The following ALDH1A2 variants were observed in gnomAD, a reference collection of about 807,000 sequenced individuals.
ALDH1A2 encodes retinal dehydrogenase 2.
In ALDH1A2, 27 loss-of-function variants were observed where a neutral mutation model predicts 60.3. That is an observed-to-expected ratio of 0.45 (90% confidence interval 0.33 to 0.62). The LOEUF (loss-of-function observed/expected upper bound fraction) is 0.62. Ranked by LOEUF, ALDH1A2 falls within the 20% of genes least tolerant of loss-of-function variation. The probability of loss-of-function intolerance (pLI) is 0.02; values close to 1 mark genes in which losing one functional copy is unlikely to be tolerated. For missense variants in ALDH1A2, 581 were observed against 643.8 expected, an observed-to-expected ratio of 0.90 and a Z score of 1.06; for synonymous variants, 289 against 232.4, an observed-to-expected ratio of 1.24 and a Z score of -2.21.
At chr15:58,015,381 G>A (rs1433416735) in intron 1 of ALDH1A2, among the ~76,000 whole-genome samples, 1 of 152,180 alleles carries the variant, frequency 6.6e-6, no homozygotes, top group Non-Finnish European at 1.5e-5. Flanking sequence ...AGCCCATGTA[G>A]AAGGAGGCAC....
intron 1 of ALDH1A2, among the ~76,000 whole-genome samples, chr15:58,063,342 C>G (rs551387666): frequency 1.4e-4 from 21 of 152,250 alleles, no homozygotes; most frequent in African/African-American, 4.8e-4. Context: ...TAGCCATTAC[C>G]CTTTTAAAAT....
intron 1 of ALDH1A2, among the ~76,000 whole-genome samples, chr15:58,020,797 T>C (rs1161073667): frequency 2.0e-5 from 3 of 152,222 alleles, no homozygotes; most frequent in Non-Finnish European, 2.9e-5. Context: ...ATCATCTTGA[T>C]TGTCATTAAC....
At chr15:58,009,757 A>G (rs1895571595) in intron 4 of ALDH1A2, among the ~76,000 whole-genome samples, 1 of 152,024 alleles carries the variant, frequency 6.6e-6, no homozygotes, top group East Asian at 1.9e-4. Flanking sequence ...TTTTAGCTCT[A>G]AAACTTATTT....
At chr15:58,049,785 G>A (rs1018597331) in intron 1 of ALDH1A2, among the ~76,000 whole-genome samples, 6 of 152,084 alleles carry the variant, frequency 3.9e-5, no homozygotes, top group Non-Finnish European at 5.9e-5. Flanking sequence ...TGTGGGAAAT[G>A]TACTTTGAGA....
At chr15:58,003,567 C>T (rs193296746) in intron 4 of ALDH1A2, among the ~76,000 whole-genome samples, 2 of 151,922 alleles carry the variant, frequency 1.3e-5, no homozygotes, top group African/African-American at 4.8e-5. Context: ...AAAACATGGA[C>T]ATTTTTTTCT....
At chr15:58,055,059 A>G (rs1338101193) in intron 1 of ALDH1A2, among the ~76,000 whole-genome samples, 1 of 152,042 alleles carries the variant, frequency 6.6e-6, no homozygotes, top group Non-Finnish European at 1.5e-5. Context: ...TTCCTATGAA[A>G]CATTCAGCAA....
rs1230567848 is a variant in ALDH1A2 at position 57,954,700 on chromosome 15, T to C, written c.*497A>G. On this transcript the variant is annotated 3_prime_UTR_variant, in exon 13 of 13. Coordinates refer to ENST00000249750, the MANE Select transcript of ALDH1A2 (RefSeq NM_003888.4). ...AGAAATGGATAACATGAAATGATAA[T>C]TTGGCTTTACAACCTTGAAAAATTG... 5.2e-6 allele frequency: 1 copy of C among 191,426 alleles called. No homozygotes were observed. The highest frequency in any genetic ancestry group is 1.1e-5 in the Non-Finnish European group (1 of 89,540). 11.9% of individuals were successfully genotyped at this position (191,426 alleles called of 1,614,324 possible).
chr15:58,032,487 C>G (rs1186323715), intron 1 of ALDH1A2, among the ~76,000 whole-genome samples: 1 of 152,062 alleles, frequency 6.6e-6, no homozygotes, highest in East Asian at 1.9e-4. Flanking sequence ...CACATGTACC[C>G]TAAAACTTAA....
intron 1 of ALDH1A2, among the ~76,000 whole-genome samples, chr15:58,063,611 A>G (rs750623418): frequency 6.6e-6 from 1 of 152,168 alleles, no homozygotes; most frequent in African/African-American, 2.4e-5. Context: ...AAGTCTCACT[A>G]AAGAGCTGAG....
chr15:58,057,984 T>C lies in ALDH1A2; in HGVS notation c.117+7550A>G. On this transcript the variant is annotated intron_variant, in intron 1 of 12. Transcript: ENST00000249750. ...AAATAATACAATTATATTATCAAACTGTAAAACATAGATGAGGCAGAATTC... is the reference window on the plus strand; with the variant it reads ...AAATAATACAATTATATTATCAAACCGTAAAACATAGATGAGGCAGAATTC... The C allele has an allele frequency of 2.7e-6, 3 of 1,123,150 alleles. No homozygotes were observed. In the South Asian group the frequency reaches 6.8e-5, roughly 25 times the overall value. The allele number at this position is 1,123,150 out of a possible 1,614,324, so 69.6% of individuals were successfully genotyped here.
intron 7 of ALDH1A2, among the ~76,000 whole-genome samples, chr15:57,978,547 G>C (rs1030792345): frequency 6.6e-6 from 1 of 152,208 alleles, no homozygotes; most frequent in Non-Finnish European, 1.5e-5. Context: ...CTGGATTGTG[G>C]TGGATAAGAT....
chr15:57,982,899 CA>C (rs1894563602), intron 7 of ALDH1A2, among the ~76,000 whole-genome samples: 1 of 152,162 alleles, frequency 6.6e-6, no homozygotes. Context: ...ATGTCATGTT[CA>C]GTGTTGGCTC....
rs775200762 is a variant in ALDH1A2, at chr15:58,065,664, G to A, written c.-14C>T. On this transcript the variant is annotated 5_prime_UTR_variant, in exon 1 of 13. Coordinates refer to ENST00000249750, the MANE Select transcript of ALDH1A2 (RefSeq NM_003888.4). ...GCTGGAAGTCATGGTGGCGGGCCGG[G>A]TGTCCCTAGCCCGCGGCGTGGGGCA... The A allele has an allele frequency of 1.9e-6, 3 of 1,567,390 alleles. No homozygotes were observed. Among genetic ancestry groups the A allele is most frequent in the South Asian group, 1.2e-5 (1 of 84,936 alleles).
chr15:57,969,419 G>T (rs1893991489), intron 7 of ALDH1A2, among the ~76,000 whole-genome samples: 1 of 152,186 alleles, frequency 6.6e-6, no homozygotes, highest in Admixed American at 6.5e-5. Flanking sequence ...GTCAAAGCCT[G>T]TGGGATTAGA....
chr15:58,018,083 TC>T (rs1402022430), intron 1 of ALDH1A2, among the ~76,000 whole-genome samples: 4 of 152,144 alleles, frequency 2.6e-5, no homozygotes, highest in Non-Finnish European at 4.4e-5. Flanking sequence ...TGACCAGGGC[TC>T]CTTGGAGAAA....
chr15:58,023,759 G>A (rs1045457705), intron 1 of ALDH1A2, among the ~76,000 whole-genome samples: 34 of 151,700 alleles, frequency 2.2e-4, no homozygotes, highest in Admixed American at 8.5e-4. Flanking sequence ...AGCAAAGACT[G>A]AAGGAATTCA....
intron 1 of ALDH1A2, among the ~76,000 whole-genome samples, chr15:58,064,622 A>C (rs527329362): frequency 6.6e-5 from 10 of 152,236 alleles, no homozygotes; most frequent in Non-Finnish European, 1.2e-4. Context: ...ATCAAACCAG[A>C]GAACTACAAA....
intron 4 of ALDH1A2, among the ~76,000 whole-genome samples, chr15:58,001,628 T>G (rs1407140341): frequency 1.3e-5 from 2 of 151,918 alleles, no homozygotes; most frequent in African/African-American, 4.8e-5. Flanking sequence ...TTAAAGCCAA[T>G]TTTCCATCTT....
intron 1 of ALDH1A2, among the ~76,000 whole-genome samples, chr15:58,032,299 GA>G (rs1287060250): frequency 6.6e-6 from 1 of 151,992 alleles, no homozygotes; most frequent in Admixed American, 6.6e-5. Flanking sequence ...GGTGGGAATT[GA>G]ACAATGAGAA....
Sources: allele counts gnomAD v4.1 joint callset (sites outside exome capture counted in the v4.1 genomes callset), GRCh38; gene constraint gnomAD v4.1.1; transcripts MANE v1.5; gene names NCBI Gene and HGNC (gene_info 2026-07-23, HGNC 2026-07-21).